Variants in LRRC4C observed in about 807,000 individuals in gnomAD.
LRRC4C encodes the protein leucine-rich repeat-containing protein 4C.
Under a neutral mutation model 33.6 loss-of-function variants are expected in LRRC4C, and 5 were observed. The observed-to-expected ratio is 0.15, with a 90% CI of 0.08 to 0.31. LRRC4C has a LOEUF of 0.31. Ranked by LOEUF, LRRC4C falls within the 10% of genes least tolerant of loss-of-function variation. The pLI, the probability that LRRC4C is intolerant of heterozygous loss-of-function variation, is 1.00. For synonymous variants in LRRC4C, 329 were observed against 302.0 expected (o/e 1.09, Z -0.93); for missense variants, 560 against 796.7 (o/e 0.70, Z 3.58).
chr11:40,163,980 A>G (rs1168556878), intron 5 of LRRC4C, among the ~76,000 whole-genome samples: 1 of 152,214 alleles, frequency 6.6e-6, no homozygotes, highest in African/African-American at 2.4e-5. Flanking sequence ...ATATGATAAA[A>G]TAATTTTTAT....
intron 1 of LRRC4C, among the ~76,000 whole-genome samples, chr11:41,094,115 C>T (rs543176028): frequency 1.4e-5 from 2 of 147,740 alleles, no homozygotes; most frequent in South Asian, 4.3e-4. Flanking sequence ...GACTCCGTAT[C>T]GGGGGAAAAA....
At chr11:40,733,116 C>T (rs1947686420) in intron 2 of LRRC4C, among the ~76,000 whole-genome samples, 1 of 126,966 alleles carries the variant, frequency 7.9e-6, no homozygotes, top group Non-Finnish European at 1.6e-5. Context: ...CACTCTGTCA[C>T]CCAGGCTGGA....
chr11:41,388,214 G>T (rs754119909), intron 1 of LRRC4C, among the ~76,000 whole-genome samples: 1 of 151,792 alleles, frequency 6.6e-6, no homozygotes, highest in Non-Finnish European at 1.5e-5. Flanking sequence ...AATATACAGA[G>T]AAATAGAAAG....
chr11:40,856,342 C>A (rs1362873330), intron 2 of LRRC4C, among the ~76,000 whole-genome samples: 1 of 152,082 alleles, frequency 6.6e-6, no homozygotes, highest in Admixed American at 6.6e-5. Flanking sequence ...CATTTCAGAG[C>A]CTTACCTATG....
chr11:40,939,620 A>G (rs1430787466), intron 1 of LRRC4C, among the ~76,000 whole-genome samples: 1 of 152,120 alleles, frequency 6.6e-6, no homozygotes, highest in Non-Finnish European at 1.5e-5. Flanking sequence ...TGGACCTATA[A>G]CAGTCCAGAG....
intron 3 of LRRC4C, among the ~76,000 whole-genome samples, chr11:40,594,818 A>G (rs1344508619): frequency 1.3e-5 from 2 of 152,138 alleles, no homozygotes; most frequent in Non-Finnish European, 2.9e-5. Flanking sequence ...ATATTAGTTT[A>G]TGTTTTTGTA....
At position 40,207,014 on chromosome 11, in the gene LRRC4C, A is replaced by T. The variant is rs116679092; in HGVS notation, c.-96+34505T>A. On this transcript the variant is annotated intron_variant, in intron 5 of 6. Coordinates refer to ENST00000528697, the MANE Select transcript of LRRC4C (RefSeq NM_001258419.2). ...TAGACAGATTATTTCCTTGTAAGAA[A>T]CAGTGATGGCAGCCCTCCATACATC... 3.4e-3 allele frequency among the ~76,000 whole-genome samples: 519 copies of T among 152,308 alleles called. 1 individual carries two copies. Among genetic ancestry groups the T allele is most frequent in the African/African-American group, 0.012 (499 of 41,570 alleles).
chr11:40,408,249 T>C lies in LRRC4C; in HGVS notation c.-269-88528A>G, dbSNP rs576004114. On this transcript the variant is annotated intron_variant, in intron 3 of 6. Coordinates refer to ENST00000528697, the MANE Select transcript of LRRC4C (RefSeq NM_001258419.2). ...CCCTCACAATGTTTCAAATATAATT[T>C]AATTAACATATAACAAAACACAAGT... Among the ~76,000 whole-genome samples, 52 of 152,124 alleles carry C rather than the reference T, an allele frequency of 3.4e-4. 1 individual carries two copies. In the South Asian group the frequency reaches 8.9e-3, roughly 26 times the overall value.
intron 1 of LRRC4C, among the ~76,000 whole-genome samples, chr11:41,153,575 G>A (rs1944094987): frequency 6.6e-6 from 1 of 152,126 alleles, no homozygotes; most frequent in Non-Finnish European, 1.5e-5. Flanking sequence ...GATTGTTCTG[G>A]ACTAGGAAGA....
At chr11:40,797,892 T>C (rs1950895645) in intron 2 of LRRC4C, among the ~76,000 whole-genome samples, 1 of 152,132 alleles carries the variant, frequency 6.6e-6, no homozygotes, top group Admixed American at 6.6e-5. Flanking sequence ...ACATGACAAA[T>C]AACAAATTAG....
chr11:40,495,634 G>A (rs1051227198), intron 3 of LRRC4C, among the ~76,000 whole-genome samples: 1 of 151,950 alleles, frequency 6.6e-6, no homozygotes, highest in Non-Finnish European at 1.5e-5. Context: ...TATCTAGTTG[G>A]TGACTTTCTA....
chr11:40,984,378 A>G (rs1852803838), intron 1 of LRRC4C, among the ~76,000 whole-genome samples: 1 of 85,268 alleles, frequency 1.2e-5, no homozygotes, highest in African/African-American at 4.3e-5. Flanking sequence ...AAAGAAAGAA[A>G]GAAAGAAAGA....
chr11:41,432,408 T>C (rs966402188), intron 1 of LRRC4C, among the ~76,000 whole-genome samples: 2 of 152,144 alleles, frequency 1.3e-5, no homozygotes, highest in Admixed American at 1.3e-4. Flanking sequence ...GAGTAGAAGC[T>C]GACAAATCTA....
rs565305102 is a variant in LRRC4C at position 41,343,411 on chromosome 11, C to T, written c.-496+116020G>A. Among the ~76,000 whole-genome samples, 8 of 152,248 alleles carry T rather than the reference C, an allele frequency of 5.3e-5. No individual in the cohort carries two copies. The East Asian group carries it at 9.7e-4, about 18-fold the overall frequency. ...CAAAACAGTAGCCACTGAAAAATGT[C>T]CTTCCTTACCAAAATTTACTGTTCG... On this transcript the variant is annotated intron_variant, in intron 1 of 6. Coordinates refer to ENST00000528697, the MANE Select transcript of LRRC4C (RefSeq NM_001258419.2).
At chr11:40,952,833 CCT>C (rs1486223301) in intron 1 of LRRC4C, among the ~76,000 whole-genome samples, 1 of 148,916 alleles carries the variant, frequency 6.7e-6, no homozygotes, top group Non-Finnish European at 1.5e-5. Flanking sequence ...CTCACACACA[CCT>C]CTGTCTATTT....
At chr11:41,119,013 A>G (rs1214281776) in intron 1 of LRRC4C, among the ~76,000 whole-genome samples, 2 of 152,046 alleles carry the variant, frequency 1.3e-5, no homozygotes, top group African/African-American at 4.8e-5. Context: ...TGTAAACAAT[A>G]CTATAGGTGA....
intron 1 of LRRC4C, among the ~76,000 whole-genome samples, chr11:41,367,422 T>C (rs1303065742): frequency 1.3e-5 from 2 of 151,928 alleles, no homozygotes; most frequent in Non-Finnish European, 2.9e-5. Flanking sequence ...TTAATGGGGG[T>C]TCCCAAAAGA....
chr11:40,254,712 T>C (rs1867064152), intron 4 of LRRC4C, among the ~76,000 whole-genome samples: 1 of 152,206 alleles, frequency 6.6e-6, no homozygotes, highest in South Asian at 2.1e-4. Context: ...ACTGAAGATG[T>C]AACAGTAAAT....
chr11:40,847,273 G>A (rs1474103617), intron 2 of LRRC4C, among the ~76,000 whole-genome samples: 4 of 152,100 alleles, frequency 2.6e-5, no homozygotes. Flanking sequence ...TATGATATTG[G>A]CTGTAGGTTT....
Sources: allele counts gnomAD v4.1 joint callset (sites outside exome capture counted in the v4.1 genomes callset), GRCh38; gene constraint gnomAD v4.1.1; transcripts MANE v1.5; gene names NCBI Gene and HGNC (gene_info 2026-07-23, HGNC 2026-07-21).